Variants in CPQ observed in about 807,000 individuals in gnomAD.
The protein encoded by CPQ is carboxypeptidase Q, also known as Ser-Met dipeptidase.
A neutral mutation model predicts 45.7 loss-of-function variants in CPQ; 37 were observed. The observed-to-expected ratio is 0.81, with a 90% CI of 0.62 to 1.07. The LOEUF (loss-of-function observed/expected upper bound fraction) is 1.07, where lower values mean the gene tolerates loss of function less well. Ranked by LOEUF, CPQ falls within the 50% of genes least tolerant of loss-of-function variation. CPQ has a pLI of 0.00. For synonymous variants in CPQ, 186 were observed against 205.8 expected (o/e 0.90, Z 0.82); for missense variants, 537 against 572.9 (o/e 0.94, Z 0.64).
chr8:96,817,990 CT>C (rs961060421), intron 2 of CPQ, among the ~76,000 whole-genome samples: 2 of 152,076 alleles, frequency 1.3e-5, no homozygotes, highest in African/African-American at 4.8e-5. Context: ...AGAGGCCTAG[CT>C]TTTGCCCTAT....
intron 5 of CPQ, among the ~76,000 whole-genome samples, chr8:97,013,390 G>A (rs113754893): frequency 0.023 from 3,487 of 152,208 alleles, 82 homozygotes; most frequent in African/African-American, 0.062. Context: ...CGCTATTGTT[G>A]CAGCTTAAAA....
At position 96,758,452 on chromosome 8, in the gene CPQ, A is replaced by G. The variant is rs1810354507; in HGVS notation, c.-34-26412A>G. Reference sequence around the variant, plus strand: ...GGTCTAAAACTACACCTGCCAACCTATTACTGATGATACATTAAATGGAAT... The same window carrying G: ...GGTCTAAAACTACACCTGCCAACCTGTTACTGATGATACATTAAATGGAAT... On this transcript the variant is annotated intron_variant, in intron 1 of 7. Transcript: ENST00000220763. Among the ~76,000 whole-genome samples the G allele has an allele frequency of 2.0e-5, 3 of 152,206 alleles. No individual in the cohort carries two copies. The South Asian group carries it at 6.2e-4, about 31-fold the overall frequency.
chr8:96,763,622 C>T, intron 1 of CPQ, among the ~76,000 whole-genome samples: 1 of 152,018 alleles, frequency 6.6e-6, no homozygotes, highest in East Asian at 1.9e-4. Flanking sequence ...TACACATACA[C>T]ATCTGCAAAA....
intron 4 of CPQ, among the ~76,000 whole-genome samples, chr8:96,918,283 T>C (rs1812758510): frequency 1.3e-5 from 2 of 152,204 alleles, no homozygotes; most frequent in Admixed American, 6.5e-5. Context: ...ACATTATACA[T>C]TGATTTCCTA....
At chr8:97,045,485 C>A (rs933100031) in intron 6 of CPQ, among the ~76,000 whole-genome samples, 4 of 152,320 alleles carry the variant, frequency 2.6e-5, no homozygotes, top group Middle Eastern at 3.4e-3. Flanking sequence ...GCACGACGCA[C>A]TGCACCCACT....
chr8:96,798,240 C>T (rs1586405118), intron 2 of CPQ, among the ~76,000 whole-genome samples: 1 of 151,448 alleles, frequency 6.6e-6, no homozygotes, highest in African/African-American at 2.4e-5. Context: ...AGCAGTCCTC[C>T]CATCTCCATC....
chr8:96,985,610 T>A (rs1808950377), intron 5 of CPQ, among the ~76,000 whole-genome samples: 2 of 152,144 alleles, frequency 1.3e-5, no homozygotes, highest in South Asian at 4.1e-4. Context: ...TGGCATGAAA[T>A]AATGAGGAAG....
intron 3 of CPQ, among the ~76,000 whole-genome samples, chr8:96,863,038 A>G (rs1811948106): frequency 6.6e-6 from 1 of 152,110 alleles, no homozygotes; most frequent in African/African-American, 2.4e-5. Context: ...AGCCTTCTAC[A>G]TGAGAAAAGA....
chr8:96,930,588 C>T (rs915946360), intron 4 of CPQ, among the ~76,000 whole-genome samples: 6 of 152,148 alleles, frequency 3.9e-5, no homozygotes, highest in Non-Finnish European at 8.8e-5. Context: ...ATAATGCACC[C>T]ATTTCCCAGT....
intron 2 of CPQ, among the ~76,000 whole-genome samples, chr8:96,814,302 G>A (rs1461579200): frequency 6.6e-6 from 1 of 152,032 alleles, no homozygotes; most frequent in Non-Finnish European, 1.5e-5. Flanking sequence ...TACGAATGCC[G>A]TGAAGGCAAG....
At position 96,967,932 on chromosome 8, in the gene CPQ, T is replaced by A. The variant is rs528458329; in HGVS notation, c.961+1886T>A. Among the ~76,000 whole-genome samples, 753 of 152,334 alleles carry A rather than the reference T, an allele frequency of 4.9e-3. 5 individuals carry two copies. Among genetic ancestry groups the A allele is most frequent in the African/African-American group, 0.017 (724 of 41,572 alleles). The stretch of plus-strand genomic sequence containing the variant: ...TCATAAAGTTGCTTTGAAAATTAAA[T>A]AAGCAGAGTATACTTAGAACATGGG... On this transcript the variant is annotated intron_variant, in intron 5 of 7. Transcript: ENST00000220763.
chr8:96,873,761 T>C (rs903225114), intron 3 of CPQ, among the ~76,000 whole-genome samples: 4 of 151,866 alleles, frequency 2.6e-5, no homozygotes, highest in Admixed American at 6.6e-5. Context: ...ATGTGTTATA[T>C]GCCCCTGCAC....
intron 4 of CPQ, among the ~76,000 whole-genome samples, chr8:96,914,847 A>T (rs1283142829): frequency 1.3e-5 from 2 of 152,110 alleles, no homozygotes; most frequent in African/African-American, 4.8e-5. Context: ...AAATTTGTTG[A>T]TGTAAGCTGA....
At chr8:97,047,754 G>A (rs77015003) in intron 6 of CPQ, among the ~76,000 whole-genome samples, 4,938 of 152,200 alleles carry the variant, frequency 0.032, 265 homozygotes, top group African/African-American at 0.11. Context: ...AAAAAGTTCA[G>A]AGATCTTTTA....
At chr8:96,864,488 G>A (rs1811971265) in intron 3 of CPQ, among the ~76,000 whole-genome samples, 1 of 152,034 alleles carries the variant, frequency 6.6e-6, no homozygotes, top group South Asian at 2.1e-4. Flanking sequence ...GCATGTCTGT[G>A]TTCTTAAAGG....
intron 4 of CPQ, among the ~76,000 whole-genome samples, chr8:96,926,576 C>CTTCTTCTTCTTCTTCTTATTCTTCT (rs1812882233): frequency 8.0e-5 from 6 of 74,976 alleles, no homozygotes; most frequent in African/African-American, 4.9e-4. Context: ...CTTCCTCTTC[C>CTTCTTCTTCTTCTTCTTATTCTTCT]TCTTCTTCTT....
intron 1 of CPQ, 60 bp downstream of exon 1, chr8:96,645,462 A>G (rs1408957477): frequency 6.6e-6 from 1 of 152,466 alleles, no homozygotes; most frequent in African/African-American, 2.4e-5. Flanking sequence ...CTTGGCTCCT[A>G]CCCGCGGGGG....
chr8:97,129,312 G>T (rs1308282732), intron 7 of CPQ, among the ~76,000 whole-genome samples: 3 of 152,020 alleles, frequency 2.0e-5, no homozygotes, highest in Non-Finnish European at 4.4e-5. Context: ...GAGTAAATAT[G>T]AATTCAGCAC....
At chr8:96,915,357 T>A (rs1812717906) in intron 4 of CPQ, among the ~76,000 whole-genome samples, 1 of 152,156 alleles carries the variant, frequency 6.6e-6, no homozygotes, top group Non-Finnish European at 1.5e-5. Flanking sequence ...ATAACTACAG[T>A]TGATCACTGG....
Sources: gnomAD v4.1 joint callset for allele counts (sites outside exome capture counted in the v4.1 genomes callset) on GRCh38, gnomAD v4.1.1 for gene constraint, MANE v1.5 for transcripts, NCBI Gene and HGNC (gene_info 2026-07-23, HGNC 2026-07-21) for gene names.